The following GRID2 variants were observed in gnomAD, a reference collection of about 807,000 sequenced individuals.
The protein encoded by GRID2 is glutamate receptor ionotropic, delta-2.
GRID2 carries 33 observed loss-of-function variants against 114.8 expected under a neutral mutation model. The observed-to-expected ratio is 0.29, with a 90% CI of 0.22 to 0.38. The LOEUF is 0.38. Ranked by LOEUF, GRID2 falls within the 10% of genes least tolerant of loss-of-function variation. The pLI is 1.00. For synonymous variants in GRID2, 505 were observed against 449.9 expected, an observed-to-expected ratio of 1.12 and a Z score of -1.55; for missense variants, 1,184 against 1,257.7, an observed-to-expected ratio of 0.94 and a Z score of 0.89.
chr4:92,559,844 A>T (rs573860741), intron 1 of GRID2, among the ~76,000 whole-genome samples: 1 of 152,214 alleles, frequency 6.6e-6, no homozygotes, highest in South Asian at 2.1e-4. Context: ...ATAACTCAGG[A>T]TTGCAAAGTG....
intron 1 of GRID2, among the ~76,000 whole-genome samples, chr4:92,490,332 T>C (rs564541026): frequency 9.2e-5 from 14 of 152,304 alleles, no homozygotes; most frequent in African/African-American, 3.4e-4. Flanking sequence ...TAGGTATCTT[T>C]ATTGATTTGT....
chr4:93,229,637 C>T (rs867783387), intron 7 of GRID2, among the ~76,000 whole-genome samples: 6 of 152,090 alleles, frequency 3.9e-5, no homozygotes, highest in Admixed American at 6.6e-5. Context: ...ATTAAGGGCA[C>T]GCTACATACA....
rs112592265 is a variant in GRID2 at position 92,305,481 on chromosome 4, G to A, written c.88+737G>A. Among the ~76,000 whole-genome samples, 411 of 152,298 alleles carry A rather than the reference G, an allele frequency of 2.7e-3. 2 individuals are homozygous for A. The highest frequency in any genetic ancestry group is 9.3e-3 in the African/African-American group (388 of 41,576). ...TTGGGAAACGCGGGGAAGCGAATGC[G>A]CGCAGGCTGCTCCCGAGGTCTGCTT... On this transcript the variant is annotated intron_variant, in intron 1 of 15. Coordinates refer to ENST00000282020, the MANE Select transcript of GRID2 (RefSeq NM_001510.4).
chr4:93,765,562 G>T (rs897609961), intron 14 of GRID2, among the ~76,000 whole-genome samples: 13 of 149,608 alleles, frequency 8.7e-5, no homozygotes, highest in Non-Finnish European at 7.4e-5. Context: ...GATTTTTTTT[G>T]GGTTTAAGGC....
intron 4 of GRID2, among the ~76,000 whole-genome samples, chr4:93,173,063 A>G (rs1345599361): frequency 1.3e-5 from 2 of 152,156 alleles, no homozygotes; most frequent in Non-Finnish European, 2.9e-5. Context: ...TTCATTGGCT[A>G]TATTGAAGAG....
chr4:93,724,930 C>T (rs550407301), intron 14 of GRID2, among the ~76,000 whole-genome samples: 1 of 152,032 alleles, frequency 6.6e-6, no homozygotes, highest in Admixed American at 6.6e-5. Flanking sequence ...TAGGTGTGCA[C>T]CACCATGCCC....
rs549834870 is a variant in GRID2, at chr4:93,258,027, C to CAA, written c.1245+19538_1245+19539dup. 5.1e-4 allele frequency among the ~76,000 whole-genome samples: 75 copies of CAA among 146,256 alleles called. No individual in the cohort carries two copies. The East Asian group carries it at 0.013, about 25-fold the overall frequency. On this transcript the variant is annotated intron_variant, in intron 8 of 15. Coordinates refer to ENST00000282020, the MANE Select transcript of GRID2 (RefSeq NM_001510.4). ...ACACACACACACACACACACACACA[C>CAA]AATACTGGTAATACTAATATACACA...
At chr4:93,115,735 G>C (rs1733181652) in intron 4 of GRID2, among the ~76,000 whole-genome samples, 1 of 152,092 alleles carries the variant, frequency 6.6e-6, no homozygotes, top group Admixed American at 6.6e-5. Flanking sequence ...AGGCAAGAGA[G>C]AATGAGAGCC....
rs1739600382 is a variant in GRID2 at position 92,791,702 on chromosome 4, T to A, written c.244+201416T>A. Reference sequence around the variant, plus strand: ...TGATTATAATGAAATTGCTAAACCATCACTGAATTGTGTGAGGAGTTTCCA... The same window carrying A: ...TGATTATAATGAAATTGCTAAACCAACACTGAATTGTGTGAGGAGTTTCCA... On this transcript the variant is annotated intron_variant, in intron 2 of 15. Coordinates refer to ENST00000282020, the MANE Select transcript of GRID2 (RefSeq NM_001510.4). 2.0e-5 allele frequency among the ~76,000 whole-genome samples: 3 copies of A among 151,956 alleles called. No individual in the cohort carries two copies. In the South Asian group the frequency reaches 6.2e-4, roughly 32 times the overall value.
At chr4:92,610,300 T>A (rs994385246) in intron 2 of GRID2, among the ~76,000 whole-genome samples, 1 of 151,666 alleles carries the variant, frequency 6.6e-6, no homozygotes, top group African/African-American at 2.4e-5. Flanking sequence ...ATGATTCTCC[T>A]GTAGAGAAGA....
chr4:93,008,670 AT>A (rs1721813143), intron 2 of GRID2, among the ~76,000 whole-genome samples: 2 of 152,140 alleles, frequency 1.3e-5, no homozygotes, highest in Admixed American at 6.6e-5. Context: ...GATGTAAATC[AT>A]CTACTTCCAA....
chr4:92,679,850 T>C (rs188306762), intron 2 of GRID2, among the ~76,000 whole-genome samples: 118 of 152,024 alleles, frequency 7.8e-4, no homozygotes, highest in African/African-American at 2.2e-3. Context: ...AATTTAGACA[T>C]ATAATTGATT....
intron 1 of GRID2, among the ~76,000 whole-genome samples, chr4:92,317,343 C>G (rs548201879): frequency 6.6e-6 from 1 of 152,100 alleles, no homozygotes; most frequent in Admixed American, 6.6e-5. Context: ...AGTGGCATAA[C>G]TATTATTAGG....
At chr4:92,453,720 A>G (rs1403728753) in intron 1 of GRID2, among the ~76,000 whole-genome samples, 1 of 152,198 alleles carries the variant, frequency 6.6e-6, no homozygotes, top group Non-Finnish European at 1.5e-5. Flanking sequence ...GGCTTTTATC[A>G]TCCAGAAATT....
chr4:92,657,567 G>T (rs975768730), intron 2 of GRID2, among the ~76,000 whole-genome samples: 1 of 151,162 alleles, frequency 6.6e-6, no homozygotes. Flanking sequence ...ATTTTTAAAA[G>T]TAAAACATTT....
intron 10 of GRID2, among the ~76,000 whole-genome samples, chr4:93,425,391 A>G (rs1473705739): frequency 6.6e-6 from 1 of 152,172 alleles, no homozygotes; most frequent in Non-Finnish European, 1.5e-5. Context: ...TCCCTAGGGC[A>G]AATCCCTTGG....
intron 4 of GRID2, among the ~76,000 whole-genome samples, chr4:93,136,232 TTGTGTGTGTGTGTGTGTGTGTGTG>T (rs3970984): frequency 4.2e-5 from 6 of 142,282 alleles, no homozygotes; most frequent in Admixed American, 7.1e-5. Context: ...CCAACAGTTA[TTGTGTGTGTGTGTGTGTGTGTGTG>T]TGTGTGTGTG....
At chr4:92,385,314 G>T (rs1252421474) in intron 1 of GRID2, among the ~76,000 whole-genome samples, 1 of 150,856 alleles carries the variant, frequency 6.6e-6, no homozygotes, top group East Asian at 1.9e-4. Context: ...TCTACAAATT[G>T]TCAGTGTTTT....
intron 2 of GRID2, among the ~76,000 whole-genome samples, chr4:92,649,676 A>G (rs1475791270): frequency 6.6e-6 from 1 of 152,012 alleles, no homozygotes; most frequent in Non-Finnish European, 1.5e-5. Flanking sequence ...ATAACCAAAT[A>G]AAGACAATAA....
Sources: allele counts gnomAD v4.1 joint callset (sites outside exome capture counted in the v4.1 genomes callset), GRCh38; gene constraint gnomAD v4.1.1; transcripts MANE v1.5; gene names NCBI Gene and HGNC (gene_info 2026-07-23, HGNC 2026-07-21).